PRKCB: variants seen among roughly 807,000 people sequenced by gnomAD.
The protein encoded by PRKCB is protein kinase C beta.
A neutral mutation model predicts 81.5 loss-of-function variants in PRKCB; 13 were observed. That is an observed-to-expected ratio of 0.16 (90% confidence interval 0.10 to 0.25). The LOEUF (loss-of-function observed/expected upper bound fraction) is 0.25, where lower values mean the gene tolerates loss of function less well. Ranked by LOEUF, PRKCB falls within the 10% of genes least tolerant of loss-of-function variation. The probability of loss-of-function intolerance (pLI) is 1.00; values close to 1 mark genes in which losing one functional copy is unlikely to be tolerated. For synonymous variants in PRKCB, 335 were observed against 321.4 expected, an observed-to-expected ratio of 1.04 and a Z score of -0.45; for missense variants, 509 against 875.7, an observed-to-expected ratio of 0.58 and a Z score of 5.29.
chr16:23,903,404 C>T (rs1963513679), intron 2 of PRKCB, among the ~76,000 whole-genome samples: 2 of 151,958 alleles, frequency 1.3e-5, no homozygotes, highest in African/African-American at 4.8e-5. Context: ...CACATCATTT[C>T]CCCCCTAACA....
At chr16:24,000,482 G>T (rs906691020) in intron 3 of PRKCB, among the ~76,000 whole-genome samples, 1 of 152,094 alleles carries the variant, frequency 6.6e-6, no homozygotes, top group Non-Finnish European at 1.5e-5. Context: ...GAAAACTTGG[G>T]CATGTCGTTC....
chr16:24,041,728 C>T (rs540128029), intron 5 of PRKCB, among the ~76,000 whole-genome samples: 127 of 152,182 alleles, frequency 8.3e-4, no homozygotes, highest in Non-Finnish European at 1.3e-3. Flanking sequence ...TGTGGTGGCT[C>T]ACGTCGGTAA....
chr16:24,165,166 G>A (rs1277838642), intron 10 of PRKCB, among the ~76,000 whole-genome samples: 1 of 152,166 alleles, frequency 6.6e-6, no homozygotes, highest in African/African-American at 2.4e-5. Flanking sequence ...TGAGCCTCCT[G>A]AGTAGCTGAG....
At chr16:23,984,565 A>G (rs1964777299) in intron 2 of PRKCB, among the ~76,000 whole-genome samples, 2 of 152,158 alleles carry the variant, frequency 1.3e-5, no homozygotes, top group Admixed American at 6.6e-5. Context: ...CTTCTTTAAC[A>G]TGATAGAAAG....
intron 3 of PRKCB, among the ~76,000 whole-genome samples, chr16:23,992,444 C>A (rs1456362942): frequency 6.6e-6 from 1 of 152,178 alleles, no homozygotes; most frequent in African/African-American, 2.4e-5. Flanking sequence ...ATACACAAAT[C>A]ATCTGCATTG....
At chr16:23,897,745 C>G (rs1282834891) in intron 2 of PRKCB, among the ~76,000 whole-genome samples, 1 of 152,200 alleles carries the variant, frequency 6.6e-6, no homozygotes, top group African/African-American at 2.4e-5. Flanking sequence ...CTTGATCTCT[C>G]AACACTCTAT....
intron 2 of PRKCB, among the ~76,000 whole-genome samples, chr16:23,868,815 C>T (rs1962853862): frequency 6.6e-6 from 1 of 152,178 alleles, no homozygotes; most frequent in Non-Finnish European, 1.5e-5. Context: ...GCATCAGGTC[C>T]ACTTGGGTTT....
chr16:24,023,982 C>A (rs574490121), intron 3 of PRKCB, among the ~76,000 whole-genome samples: 9 of 152,166 alleles, frequency 5.9e-5, no homozygotes, highest in Non-Finnish European at 1.0e-4. Context: ...CCTGGATTGG[C>A]TGAAGCACAA....
chr16:24,085,071 G>A (rs1966295478), intron 5 of PRKCB, among the ~76,000 whole-genome samples: 5 of 151,026 alleles, frequency 3.3e-5, no homozygotes, highest in Admixed American at 3.3e-4. Flanking sequence ...AAGTGGTAGG[G>A]AGGAAGTAAA....
At chr16:23,940,600 T>C (rs1050838735) in intron 2 of PRKCB, among the ~76,000 whole-genome samples, 4 of 152,066 alleles carry the variant, frequency 2.6e-5, no homozygotes, top group Non-Finnish European at 5.9e-5. Context: ...AAACATCTAC[T>C]TCTAATTATA....
chr16:23,892,966 TTGGA>T (rs3073116), intron 2 of PRKCB: 44,294 of 150,830 alleles, frequency 0.29, 6,865 homozygotes, highest in South Asian at 0.43. Context: ...TTTAACAGGA[TTGGA>T]TGGAAATCTG....
chr16:24,008,850 C>T (rs748442385), intron 3 of PRKCB, among the ~76,000 whole-genome samples: 44 of 152,064 alleles, frequency 2.9e-4, no homozygotes, highest in Non-Finnish European at 4.9e-4. Context: ...AAGTAATTCC[C>T]CATTTTGCCC....
chr16:24,087,791 G>A (rs1334138437), intron 5 of PRKCB, among the ~76,000 whole-genome samples: 1 of 152,188 alleles, frequency 6.6e-6, no homozygotes, highest in African/African-American at 2.4e-5. Context: ...ATCTTTTTAT[G>A]GATTCAGTGC....
intron 3 of PRKCB, among the ~76,000 whole-genome samples, chr16:24,027,454 G>T (rs7197833): frequency 2.0e-5 from 3 of 151,968 alleles, no homozygotes; most frequent in African/African-American, 7.2e-5. Flanking sequence ...TTAGTTTTTT[G>T]GGGGGTGGAT....
intron 15 of PRKCB, among the ~76,000 whole-genome samples, chr16:24,188,935 G>A (rs955163020): frequency 3.3e-5 from 5 of 152,152 alleles, no homozygotes; most frequent in African/African-American, 7.2e-5. Context: ...GAGCCTGAAC[G>A]CATATGATGT....
intron 2 of PRKCB, among the ~76,000 whole-genome samples, chr16:23,849,577 T>A (rs1326590313): frequency 1.3e-5 from 2 of 152,230 alleles, no homozygotes; most frequent in Non-Finnish European, 2.9e-5. Flanking sequence ...CTGAGGGTAT[T>A]GATAATTGTT....
intron 9 of PRKCB, among the ~76,000 whole-genome samples, chr16:24,148,405 C>G (rs1225766501): frequency 6.6e-6 from 1 of 152,118 alleles, no homozygotes; most frequent in Non-Finnish European, 1.5e-5. Flanking sequence ...GGGCAGGAAC[C>G]TTGTCGTTCT....
At chr16:24,179,215 A>T (rs1967581654) in intron 12 of PRKCB, among the ~76,000 whole-genome samples, 1 of 152,236 alleles carries the variant, frequency 6.6e-6, no homozygotes, top group Non-Finnish European at 1.5e-5. Flanking sequence ...GACCAGCAGG[A>T]TGGAATATTT....
At chr16:24,123,543 T>C (rs762786576) in intron 8 of PRKCB, among the ~76,000 whole-genome samples, 4 of 152,026 alleles carry the variant, frequency 2.6e-5, no homozygotes, top group Non-Finnish European at 5.9e-5. Context: ...AGGTGAGAGA[T>C]GATGGCAGGT....
Sources: gnomAD v4.1 joint callset for allele counts (sites outside exome capture counted in the v4.1 genomes callset) on GRCh38, gnomAD v4.1.1 for gene constraint, MANE v1.5 for transcripts, NCBI Gene and HGNC (gene_info 2026-07-23, HGNC 2026-07-21) for gene names.